The following PRKG1 variants were observed in gnomAD, a reference collection of about 807,000 sequenced individuals.
PRKG1 encodes the protein cGMP-dependent protein kinase 1.
A neutral mutation model predicts 88.1 loss-of-function variants in PRKG1; 35 were observed. The observed-to-expected ratio is 0.40, with a 90% confidence interval of 0.30 to 0.53. PRKG1 has a LOEUF of 0.53. PRKG1 is among the 20% of genes least tolerant of loss of function. PRKG1 has a pLI of 0.59. For synonymous variants in PRKG1, 303 were observed against 292.5 expected (o/e 1.04, Z -0.37); for missense variants, 540 against 839.8 (o/e 0.64, Z 4.41).
chr10:51,770,281 A>G (rs1257103083), intron 3 of PRKG1, among the ~76,000 whole-genome samples: 1 of 152,240 alleles, frequency 6.6e-6, no homozygotes, highest in South Asian at 2.1e-4. Context: ...TAAAAGAGTT[A>G]TGCAGCATAG....
At chr10:51,729,292 C>T (rs74663224) in intron 3 of PRKG1, among the ~76,000 whole-genome samples, 2 of 152,082 alleles carry the variant, frequency 1.3e-5, no homozygotes, top group Non-Finnish European at 2.9e-5. Flanking sequence ...AAAAAGTTTC[C>T]AAAGTAAACT....
At chr10:51,856,983 A>G (rs970444709) in intron 4 of PRKG1, among the ~76,000 whole-genome samples, 1 of 151,740 alleles carries the variant, frequency 6.6e-6, no homozygotes, top group Non-Finnish European at 1.5e-5. Context: ...AAGAAAAAAA[A>G]AAAAAGAAAG....
At chr10:51,083,589 CGAG>C (rs2131853491) in intron 1 of PRKG1, among the ~76,000 whole-genome samples, 1 of 151,622 alleles carries the variant, frequency 6.6e-6, no homozygotes, top group Non-Finnish European at 1.5e-5. Flanking sequence ...GAGTACTTTC[CGAG>C]GAGACTTCAG....
At chr10:51,440,373 C>T (rs1299385862) in intron 2 of PRKG1, among the ~76,000 whole-genome samples, 3 of 151,746 alleles carry the variant, frequency 2.0e-5, no homozygotes, top group Non-Finnish European at 4.4e-5. Flanking sequence ...GTTACATTCT[C>T]GAAGAGCATT....
chr10:51,404,844 T>G (rs1312141909), intron 2 of PRKG1, among the ~76,000 whole-genome samples: 2 of 152,204 alleles, frequency 1.3e-5, no homozygotes, highest in African/African-American at 4.8e-5. Context: ...TCTACATCTA[T>G]GCAACTTAAG....
At chr10:52,122,564 T>C (rs758047639) in intron 7 of PRKG1, among the ~76,000 whole-genome samples, 4 of 152,206 alleles carry the variant, frequency 2.6e-5, no homozygotes, top group Non-Finnish European at 5.9e-5. Flanking sequence ...GAAGAATAGA[T>C]ATAAGAGGAA....
chr10:52,172,529 T>C (rs1199558793), intron 9 of PRKG1, among the ~76,000 whole-genome samples: 3 of 152,194 alleles, frequency 2.0e-5, no homozygotes, highest in Non-Finnish European at 4.4e-5. Flanking sequence ...ATATAAAGCC[T>C]ATTTACAGTA....
intron 4 of PRKG1, among the ~76,000 whole-genome samples, chr10:51,872,455 C>A (rs1841182230): frequency 6.6e-6 from 1 of 152,082 alleles, no homozygotes; most frequent in South Asian, 2.1e-4. Context: ...GAGTGAGAGA[C>A]TTTTGGCTCT....
intron 2 of PRKG1, among the ~76,000 whole-genome samples, chr10:51,328,317 T>A (rs1841645025): frequency 6.6e-6 from 1 of 152,218 alleles, no homozygotes; most frequent in Non-Finnish European, 1.5e-5. Flanking sequence ...TTCCTTCTTT[T>A]TAGAAGGTTG....
chr10:51,187,828 T>G (rs1276150708), intron 2 of PRKG1, among the ~76,000 whole-genome samples: 1 of 152,038 alleles, frequency 6.6e-6, no homozygotes, highest in Non-Finnish European at 1.5e-5. Context: ...GATTATTTTT[T>G]TATGTGCTTC....
At chr10:51,421,842 A>G (rs1005951288) in intron 2 of PRKG1, among the ~76,000 whole-genome samples, 1 of 152,200 alleles carries the variant, frequency 6.6e-6, no homozygotes, top group African/African-American at 2.4e-5. Context: ...CTTGTGTAGG[A>G]GTCAGGAGCT....
intron 3 of PRKG1, among the ~76,000 whole-genome samples, chr10:51,711,395 C>A (rs766241101): frequency 6.6e-6 from 1 of 152,156 alleles, no homozygotes; most frequent in Non-Finnish European, 1.5e-5. Context: ...TGAGCCACTG[C>A]GCCTGGCCTG....
chr10:51,797,508 A>G (rs1039680146), intron 3 of PRKG1, among the ~76,000 whole-genome samples: 1 of 146,494 alleles, frequency 6.8e-6, no homozygotes, highest in African/African-American at 2.5e-5. Context: ...ATATATAAAT[A>G]TAGAATATAT....
intron 3 of PRKG1, among the ~76,000 whole-genome samples, chr10:51,570,730 C>CT (rs1837731454): frequency 1.3e-5 from 2 of 151,532 alleles, no homozygotes; most frequent in African/African-American, 4.8e-5. Context: ...TGAAAATAGA[C>CT]TATGATTTTC....
chr10:51,495,253 C>A (rs963742231), intron 3 of PRKG1, among the ~76,000 whole-genome samples: 1 of 152,114 alleles, frequency 6.6e-6, no homozygotes, highest in African/African-American at 2.4e-5. Context: ...CGCCACCACA[C>A]CCAGCTAATT....
chr10:51,577,640 A>C (rs1564557943), intron 3 of PRKG1, among the ~76,000 whole-genome samples: 1 of 152,032 alleles, frequency 6.6e-6, no homozygotes, highest in Non-Finnish European at 1.5e-5. Context: ...CAGGTTTATA[A>C]AATAAATATC....
At chr10:52,132,963 C>T (rs1837306894) in intron 7 of PRKG1, among the ~76,000 whole-genome samples, 1 of 152,030 alleles carries the variant, frequency 6.6e-6, no homozygotes, top group Non-Finnish European at 1.5e-5. Flanking sequence ...AATTCAATTA[C>T]ATTAAGTTAT....
At chr10:52,070,634 A>G (rs1478565268) in intron 7 of PRKG1, among the ~76,000 whole-genome samples, 1 of 151,968 alleles carries the variant, frequency 6.6e-6, no homozygotes, top group Non-Finnish European at 1.5e-5. Context: ...CCTCATCATC[A>G]TATGTCCTTA....
intron 1 of PRKG1, among the ~76,000 whole-genome samples, chr10:51,116,290 G>T (rs1447749510): frequency 6.6e-6 from 1 of 152,090 alleles, no homozygotes; most frequent in Non-Finnish European, 1.5e-5. Flanking sequence ...CCTGCCTCTT[G>T]AAGAAGAGAA....
Sources: allele counts gnomAD v4.1 joint callset (sites outside exome capture counted in the v4.1 genomes callset), GRCh38; gene constraint gnomAD v4.1.1; transcripts MANE v1.5; gene names NCBI Gene and HGNC (gene_info 2026-07-23, HGNC 2026-07-21).